The following ZBTB40 variants were observed in gnomAD, a reference collection of about 807,000 sequenced individuals.
ZBTB40 encodes zinc finger and BTB domain-containing protein 40.
In ZBTB40, 60 loss-of-function variants were observed where a neutral mutation model predicts 117.5. The ratio of observed to expected loss-of-function variants is 0.51; its 90% CI spans 0.41 to 0.63. ZBTB40 has a LOEUF of 0.63. ZBTB40 is among the 30% of genes least tolerant of loss of function. The probability of loss-of-function intolerance (pLI) is 0.00; values close to 1 mark genes in which losing one functional copy is unlikely to be tolerated. For synonymous variants in ZBTB40, 525 were observed against 577.1 expected (o/e 0.91, Z 1.29); for missense variants, 1,287 against 1,498.5 (o/e 0.86, Z 2.33).
rs572772090 is a variant in ZBTB40 at position 22,474,049 on chromosome 1, A to G, written c.-69-15831A>G. Among the ~76,000 whole-genome samples, 48 of 152,300 alleles carry G rather than the reference A, an allele frequency of 3.2e-4. 1 individual carries two copies. In the South Asian group the frequency reaches 8.5e-3, roughly 27 times the overall value. On this transcript the variant is annotated intron_variant, in intron 1 of 17. Coordinates refer to ENST00000375647, the MANE Select transcript of ZBTB40 (RefSeq NM_014870.4). The stretch of plus-strand genomic sequence containing the variant: ...TGATATCTACAACAGAGCTCACTAG[A>G]CAGCCTCCCAAATCCCCAAAGGTGA...
Position 22,517,473 on chromosome 1 carries a change from A to G in ZBTB40, c.2833+9A>G. ...TCTGCACACCTTTCACAGTATGTAG[A>G]GACTGTGGATCTCAAGCCCTCAGTG... On this transcript the variant is annotated intron_variant, in intron 13 of 17. Coordinates refer to ENST00000375647, the MANE Select transcript of ZBTB40 (RefSeq NM_014870.4). 6.2e-7 allele frequency: 1 copy of G among 1,609,846 alleles called. No individual in the cohort carries two copies. Among genetic ancestry groups the G allele is most frequent in the Non-Finnish European group, 8.5e-7 (1 of 1,177,022 alleles).
At chr1:22,522,595 G>A in intron 16 of ZBTB40, 132 bp downstream of exon 16, 9 of 884,046 alleles carry the variant, frequency 1.0e-5, no homozygotes, top group Non-Finnish European at 1.3e-5. Flanking sequence ...TATAAAATGG[G>A]AACAGTTGTA....
Position 22,513,205 on chromosome 1 carries a change from G to A in ZBTB40, c.2668+75G>A, listed in dbSNP as rs1639289434. ...CCTAAACCCCATTTGGATTAGGTGT[G>A]ATATATATCTCAAAAACAAAACAAT... On this transcript the variant is annotated intron_variant, in intron 12 of 17. Transcript: ENST00000375647. The surrounding 1 kb of genome is among the most constrained non-coding windows in gnomAD (Gnocchi z 4.9). 7.3e-6 allele frequency: 11 copies of A among 1,507,272 alleles called. No homozygotes were observed. The South Asian group carries it at 1.1e-4, about 15-fold the overall frequency. 93.4% of individuals were successfully genotyped at this position (1,507,272 alleles called of 1,614,324 possible). A position where few individuals can be genotyped will look rare whatever the true frequency, so the allele number is the denominator to read the frequency against.
At chr1:22,478,506 C>CA (rs920766476) in intron 1 of ZBTB40, among the ~76,000 whole-genome samples, 16 of 152,318 alleles carry the variant, frequency 1.1e-4, no homozygotes, top group Non-Finnish European at 2.1e-4. Context: ...CTCGGCCTCC[C>CA]AAAGTGCTGG....
intron 1 of ZBTB40, among the ~76,000 whole-genome samples, chr1:22,457,863 TTCC>T (rs1557482149): frequency 6.6e-6 from 1 of 152,216 alleles, no homozygotes; most frequent in Admixed American, 6.5e-5. Flanking sequence ...CCATTGAGTC[TTCC>T]TGAGTTTTCC....
At position 22,435,590 on chromosome 1, in the gene ZBTB40, A is replaced by G. The variant is rs570041214; in HGVS notation, c.-70+6576A>G. 6.6e-5 allele frequency among the ~76,000 whole-genome samples: 10 copies of G among 152,290 alleles called. No homozygotes were observed. In the East Asian group the frequency reaches 1.2e-3, roughly 18 times the overall value. On this transcript the variant is annotated intron_variant, in intron 1 of 8. Transcript: ENST00000650433. ...AATACCTTCAATTTAATGTTAAAGA[A>G]CAGTGGTGAGAGTGGGCATCCATGT...
At chr1:22,462,262 C>T (rs1641149905) in intron 1 of ZBTB40, among the ~76,000 whole-genome samples, 2 of 152,134 alleles carry the variant, frequency 1.3e-5, no homozygotes, top group Non-Finnish European at 1.5e-5. Context: ...TAGAGTCAGA[C>T]AGCATGAGTT....
Position 22,526,358 on chromosome 1 carries a change from G to T in ZBTB40, c.3682G>T (p.Asp1228Tyr). The change falls in exon 18 of 18, where the codon GAT becomes TAT. Residue 1228 changes from aspartate (D) to tyrosine (Y), a missense_variant. Transcript: ENST00000375647. Reference protein sequence around the residue: ...LVAVTVEDLLDGTVTLICGEA... With the variant: ...LVAVTVEDLLYGTVTLICGEA... Reference sequence around the variant, plus strand: ...GGCGGTGACTGTGGAGGACTTGCTGGATGGCACAGTGACGCTGATCTGTGG... The same window carrying T: ...GGCGGTGACTGTGGAGGACTTGCTGTATGGCACAGTGACGCTGATCTGTGG... 6.2e-7 allele frequency: 1 copy of T among 1,614,196 alleles called. No homozygotes were observed. The highest frequency in any genetic ancestry group is 2.2e-5 in the East Asian group (1 of 44,880).
At chr1:22,499,586 G>A (rs1638870750) in intron 3 of ZBTB40, among the ~76,000 whole-genome samples, 1 of 152,180 alleles carries the variant, frequency 6.6e-6, no homozygotes, top group African/African-American at 2.4e-5. Flanking sequence ...TACAAGATGA[G>A]TTACCTTAGG....
rs1002735384 is a variant in ZBTB40 at position 22,524,442 on chromosome 1, C to T, written c.3523C>T (p.Gln1175Ter). ...CCAGGCCGCAGCCTCACAGATGGCG[C>T]AGGTGATTCTGGGGCCATCAGCTAC... ...ETQAAASQMAQVIQTPEPVAP... is the reference protein window; with the variant it reads ...ETQAAASQMA Residue 1175 changes from glutamine to a stop codon, truncating the protein, a stop_gained and splice_region_variant, in exon 17 of 18, where the codon CAG (glutamine) becomes TAG (stop). Transcript: ENST00000375647. LOFTEE classifies it high-confidence loss of function. 1 of 1,613,308 alleles carries T rather than the reference C, an allele frequency of 6.2e-7. No individual in the cohort carries two copies. The highest frequency in any genetic ancestry group is 8.5e-7 in the Non-Finnish European group (1 of 1,180,014).
intron 16 of ZBTB40, 106 bp from the exon 17 acceptor site, chr1:22,524,112 T>C: frequency 5.4e-6 from 6 of 1,108,334 alleles, no homozygotes; most frequent in Non-Finnish European, 8.1e-6. Context: ...CCTCCAAGCC[T>C]CGATCCTCAT....
At chr1:22,497,486 A>C (rs1638810717) in intron 3 of ZBTB40, among the ~76,000 whole-genome samples, 1 of 152,198 alleles carries the variant, frequency 6.6e-6, no homozygotes, top group Non-Finnish European at 1.5e-5. Context: ...TGTTTTTCCA[A>C]ATCTCCTTTC....
intron 3 of ZBTB40, among the ~76,000 whole-genome samples, chr1:22,495,598 AC>A (rs1164944435): frequency 2.0e-5 from 3 of 151,798 alleles, no homozygotes; most frequent in Admixed American, 6.6e-5. Context: ...TGCAACCTCC[AC>A]CTCCTGGGTT....
chr1:22,490,914 G>A (rs769300108), intron 2 of ZBTB40, among the ~76,000 whole-genome samples: 1 of 152,138 alleles, frequency 6.6e-6, no homozygotes, highest in Non-Finnish European at 1.5e-5. Flanking sequence ...GTTTTCTCTC[G>A]AGACGGAGTC....
chr1:22,470,623 A>C (rs1053423649), intron 1 of ZBTB40, among the ~76,000 whole-genome samples: 1 of 152,208 alleles, frequency 6.6e-6, no homozygotes, highest in African/African-American at 2.4e-5. Flanking sequence ...TGAGAGAAAG[A>C]GACTGAAAAA....
At chr1:22,442,441 G>A (rs960966217) in intron 1 of ZBTB40, among the ~76,000 whole-genome samples, 5 of 152,100 alleles carry the variant, frequency 3.3e-5, no homozygotes, top group Admixed American at 1.3e-4. Flanking sequence ...GTTGTTTGTC[G>A]CCACAGTCAG....
chr1:22,482,697 T>G (rs1377080416), intron 1 of ZBTB40, among the ~76,000 whole-genome samples: 1 of 152,230 alleles, frequency 6.6e-6, no homozygotes, highest in Non-Finnish European at 1.5e-5. Flanking sequence ...TTACTATCTA[T>G]ATATTTACCT....
At chr1:22,473,693 G>C (rs1220761332) in intron 1 of ZBTB40, among the ~76,000 whole-genome samples, 1 of 152,220 alleles carries the variant, frequency 6.6e-6, no homozygotes, top group Non-Finnish European at 1.5e-5. Flanking sequence ...AGTTCCCTCA[G>C]GATGAGACTG....
At chr1:22,516,126 G>A (rs1313848349) in intron 12 of ZBTB40, among the ~76,000 whole-genome samples, 2 of 152,178 alleles carry the variant, frequency 1.3e-5, no homozygotes, top group African/African-American at 4.8e-5. Flanking sequence ...TTTGCCATGA[G>A]CAACTGAGTG....
Sources: allele counts gnomAD v4.1 joint callset (sites outside exome capture counted in the v4.1 genomes callset), GRCh38; gene constraint gnomAD v4.1.1; non-coding constraint Gnocchi (gnomAD v3.1); transcripts MANE v1.5; gene names NCBI Gene and HGNC (gene_info 2026-07-23, HGNC 2026-07-21).